DNAH3: variants seen among roughly 807,000 people sequenced by gnomAD.
DNAH3 encodes dynein axonemal heavy chain 3, also known as axonemal beta dynein heavy chain 3.
In DNAH3, 332 loss-of-function variants were observed where a neutral mutation model predicts 432.5. The observed-to-expected ratio is 0.77, with a 90% CI of 0.70 to 0.84. The LOEUF (loss-of-function observed/expected upper bound fraction) is 0.84, where lower values mean the gene tolerates loss of function less well. Among genes scored for constraint, DNAH3 ranks in the 40% least tolerant of loss-of-function variants. The probability of loss-of-function intolerance (pLI) is 0.00; values close to 1 mark genes in which losing one functional copy is unlikely to be tolerated. For synonymous variants in DNAH3, 1,956 were observed against 1,900.2 expected (o/e 1.03, Z -0.76); for missense variants, 4,861 against 5,114.0 (o/e 0.95, Z 1.51).
At chr16:21,111,190 GAAC>G (rs1372686552) in intron 14 of DNAH3, among the ~76,000 whole-genome samples, 2 of 152,132 alleles carry the variant, frequency 1.3e-5, no homozygotes, top group East Asian at 1.9e-4. Context: ...GAAAAAGATT[GAAC>G]AACAGAATTC....
Position 20,987,765 on chromosome 16 carries a change from A to T in DNAH3, c.6810T>A (p.His2270Gln), listed in dbSNP as rs1164311816. 2.5e-6 allele frequency: 4 copies of T among 1,614,082 alleles called. No homozygotes were observed. In the East Asian group the frequency reaches 6.7e-5, roughly 27 times the overall value. The change falls in exon 46 of 62, where the codon CAT becomes CAA. Residue 2270 changes from histidine (H) to glutamine (Q), a missense_variant. Physicochemically the swap from His to Gln is conservative, Grantham distance 24. Transcript: ENST00000261383. ...AGAAGTCCCGCAGGTTAAAGACGTA[A>T]TGTGACTTCGAGGGAGTTGGCAAGA...
intron 61 of DNAH3, among the ~76,000 whole-genome samples, chr16:20,933,736 C>T (rs1267420025): frequency 6.6e-6 from 1 of 152,232 alleles, no homozygotes; most frequent in Non-Finnish European, 1.5e-5. Flanking sequence ...CTAGAGAATG[C>T]ACTCAAGTAG....
chr16:20,965,230 C>T lies in DNAH3; in HGVS notation c.8654G>A (p.Cys2885Tyr), dbSNP rs771696538. The change falls in exon 53 of 62, where the codon TGC (cysteine) becomes TAC (tyrosine). Residue 2885 changes from cysteine (C) to tyrosine (Y), a missense_variant. Cys to Tyr is a radical substitution (Grantham distance 194, BLOSUM62 -2). Transcript: ENST00000261383. ...CACCTCCATGGCCCTCACCCACTTG[C>T]ACAGACCCTCGCAGGCCGACGATAC... is the stretch of plus-strand genomic sequence containing the variant. 20 of 1,613,650 alleles carry T rather than the reference C, an allele frequency of 1.2e-5. No individual in the cohort carries two copies. The highest frequency in any genetic ancestry group is 1.6e-4 in the Middle Eastern group (1 of 6,084).
chr16:20,944,457 G>C, intron 58 of DNAH3, 39 bp downstream of exon 58: 1 of 1,610,728 alleles, frequency 6.2e-7, no homozygotes, highest in Admixed American at 1.7e-5. Flanking sequence ...AGAACTGCCT[G>C]GGAAATAGGA....
At chr16:21,153,030 A>C (rs970906376) in intron 1 of DNAH3, among the ~76,000 whole-genome samples, 1 of 152,204 alleles carries the variant, frequency 6.6e-6, no homozygotes, top group Non-Finnish European at 1.5e-5. Flanking sequence ...GCCCCGGTGC[A>C]GGAGCCACTG....
intron 17 of DNAH3, among the ~76,000 whole-genome samples, chr16:21,098,062 A>T (rs2091734260): frequency 6.6e-6 from 1 of 152,222 alleles, no homozygotes; most frequent in South Asian, 2.1e-4. Flanking sequence ...GTGAACAATT[A>T]CCTTACTATA....
intron 16 of DNAH3, among the ~76,000 whole-genome samples, chr16:21,100,282 G>C (rs996226434): frequency 3.3e-5 from 5 of 152,138 alleles, no homozygotes; most frequent in Admixed American, 2.6e-4. Flanking sequence ...ATGTTGGCCA[G>C]GCTAGTCTCG....
chr16:20,959,550 A>T, intron 53 of DNAH3, 146 bp from the exon 54 acceptor site: 2 of 663,460 alleles, frequency 3.0e-6, no homozygotes, highest in Admixed American at 3.0e-5. Flanking sequence ...TGGGAGGATC[A>T]CTTGAGCTCA....
At chr16:20,997,835 T>TGA (rs1555524246) in intron 43 of DNAH3, among the ~76,000 whole-genome samples, 7 of 74,554 alleles carry the variant, frequency 9.4e-5, no homozygotes, top group Admixed American at 6.6e-4. Context: ...CCTGTCTCCA[T>TGA]AAAAAAAAAA....
Position 21,134,410 on chromosome 16 carries a change from TAA to T in DNAH3, c.929_930del (p.Phe310TyrfsTer2). The T allele has an allele frequency of 6.2e-7, 1 of 1,614,152 alleles. No homozygotes were observed. On this transcript the variant is annotated frameshift_variant, in exon 7 of 62. Coordinates refer to ENST00000261383, the Ensembl canonical transcript of DNAH3. LOFTEE classifies it high-confidence loss of function. The stretch of plus-strand genomic sequence containing the variant: ...GGAAACAAGCGGGGGATGCTCTCAA[TAA>T]AGAGCCGTTTTCTCTCCATTGGGTC...
rs66695399 is a variant in DNAH3 at position 20,942,069 on chromosome 16, T to TAA, written c.11512-528_11512-527dup. ...GACAGAGGAACACCTGTCTAAAAGT[T>TAA]AAAAAAAAAAAAAAAAAGAGTCGTG... On this transcript the variant is annotated intron_variant, in intron 58 of 61. Coordinates refer to ENST00000261383, the Ensembl canonical transcript of DNAH3. Among the ~76,000 whole-genome samples, 550 of 125,090 alleles carry TAA rather than the reference T, an allele frequency of 4.4e-3. 1 individual carries two copies. Among genetic ancestry groups the TAA allele is most frequent in the African/African-American group, 0.012 (402 of 33,510 alleles). The allele number at this position is 125,090 out of a possible 152,430, so 82.1% of individuals were successfully genotyped here.
chr16:20,964,052 T>C (rs751238081), exon 53 of DNAH3: 2 of 1,614,184 alleles, frequency 1.2e-6, no homozygotes, highest in Non-Finnish European at 1.7e-6. Flanking sequence ...GAAGCAACTT[T>C]CTGTTTCTCT....
exon 34 of DNAH3, chr16:21,037,958 T>A: frequency 2.5e-6 from 4 of 1,613,722 alleles, no homozygotes; most frequent in Non-Finnish European, 3.4e-6. Context: ...AGGCGGTAGG[T>A]CGCAACGATC....
chr16:21,021,902 C>G, intron 40 of DNAH3, 69 bp downstream of exon 40: 1 of 1,345,332 alleles, frequency 7.4e-7, no homozygotes, highest in East Asian at 2.7e-5. Flanking sequence ...GACTTCATCT[C>G]AAAAAAAAAA....
At chr16:20,965,866 C>T (rs866438899) in intron 52 of DNAH3, among the ~76,000 whole-genome samples, 1 of 151,818 alleles carries the variant, frequency 6.6e-6, no homozygotes, top group African/African-American at 2.4e-5. Flanking sequence ...GCATGTGCCA[C>T]CATGCCTGGC....
intron 28 of DNAH3, among the ~76,000 whole-genome samples, chr16:21,053,391 G>A (rs1314801189): frequency 1.3e-5 from 2 of 152,164 alleles, no homozygotes; most frequent in Non-Finnish European, 2.9e-5. Context: ...CAAGAGGAAA[G>A]CGAATTTCAA....
chr16:21,134,400 A>T lies in DNAH3; in HGVS notation c.941T>A (p.Ile314Asn), dbSNP rs745990638. The change falls in exon 7 of 62, where the codon ATC becomes AAC. Residue 314 changes from isoleucine (I) to asparagine (N), a missense_variant. Transcript: ENST00000261383. ...CACTCTTTGAGGAAACAAGCGGGGG[A>T]TGCTCTCAATAAAGAGCCGTTTTCT... 4 of 1,614,094 alleles carry T rather than the reference A, an allele frequency of 2.5e-6. No individual in the cohort carries two copies. In the Admixed American group the frequency reaches 6.7e-5, roughly 27 times the overall value.
chr16:21,065,972 G>GC (rs969059684), intron 24 of DNAH3, among the ~76,000 whole-genome samples: 5 of 151,650 alleles, frequency 3.3e-5, no homozygotes, highest in African/African-American at 9.7e-5. Context: ...GATTACAGGT[G>GC]CCCCCCACCA....
At position 20,948,902 on chromosome 16, in the gene DNAH3, C is replaced by T. The variant is rs114528443; in HGVS notation, c.11189-265G>A. On this transcript the variant is annotated intron_variant, in intron 56 of 61. Coordinates refer to ENST00000261383, the Ensembl canonical transcript of DNAH3. ...GAATGTTGCCTTTTCCAAAACCACC[C>T]ATGACCTGCCCCACCCCCACAACCC... Among the ~76,000 whole-genome samples, 324 of 152,182 alleles carry T rather than the reference C, an allele frequency of 2.1e-3. 1 individual carries two copies. Among genetic ancestry groups the T allele is most frequent in the African/African-American group, 7.7e-3 (318 of 41,534 alleles).
Sources: allele counts gnomAD v4.1 joint callset (sites outside exome capture counted in the v4.1 genomes callset), GRCh38; gene constraint gnomAD v4.1.1; transcripts MANE v1.5; gene names NCBI Gene and HGNC (gene_info 2026-07-23, HGNC 2026-07-21).